The following BORCS5 variants were observed in gnomAD, a reference collection of about 807,000 sequenced individuals.
BORCS5 encodes the protein BLOC-1 related complex subunit 5.
In BORCS5, 17 loss-of-function variants were observed where a neutral mutation model predicts 22.1. That is an observed-to-expected ratio of 0.77 (90% CI 0.53 to 1.15). BORCS5 has a LOEUF of 1.15. Among genes scored for constraint, BORCS5 ranks in the 50% most tolerant of loss-of-function variants. The probability of loss-of-function intolerance (pLI) is 0.00; values close to 1 mark genes in which losing one functional copy is unlikely to be tolerated. For missense variants in BORCS5, 247 were observed against 253.2 expected, an observed-to-expected ratio of 0.98 and a Z score of 0.17; for synonymous variants, 117 against 99.8, an observed-to-expected ratio of 1.17 and a Z score of -1.03.
intron 2 of BORCS5, among the ~76,000 whole-genome samples, chr12:12,371,121 A>G (rs1863518986): frequency 6.6e-6 from 1 of 152,122 alleles, no homozygotes; most frequent in Non-Finnish European, 1.5e-5. Flanking sequence ...ATAATGTTCC[A>G]GACTTATTTT....
intron 2 of BORCS5, among the ~76,000 whole-genome samples, chr12:12,366,085 A>G (rs1307437176): frequency 2.0e-5 from 3 of 152,140 alleles, no homozygotes; most frequent in Admixed American, 6.6e-5. Context: ...TGTCGCCTTT[A>G]TACTCTGACT....
intron 2 of BORCS5, among the ~76,000 whole-genome samples, chr12:12,383,019 TTTA>T (rs980509981): frequency 5.9e-5 from 9 of 151,612 alleles, no homozygotes; most frequent in African/African-American, 2.2e-4. Flanking sequence ...GATTTGCCTT[TTTA>T]TTATTTCTTT....
chr12:12,438,790 C>T (rs773058871), intron 3 of BORCS5, among the ~76,000 whole-genome samples: 57 of 152,138 alleles, frequency 3.7e-4, no homozygotes, highest in Non-Finnish European at 4.7e-4. Flanking sequence ...AGTAAATCCC[C>T]AGACATTATT....
At chr12:12,364,642 G>T (rs1863366210) in intron 2 of BORCS5, among the ~76,000 whole-genome samples, 1 of 152,156 alleles carries the variant, frequency 6.6e-6, no homozygotes, top group Non-Finnish European at 1.5e-5. Flanking sequence ...TAGAAGACTT[G>T]GTGTTAAGGG....
intron 3 of BORCS5, among the ~76,000 whole-genome samples, chr12:12,439,576 C>T (rs1942638884): frequency 6.6e-6 from 1 of 152,184 alleles, no homozygotes. Context: ...TGCGGTGAGC[C>T]GAGATCTCCA....
At chr12:12,379,099 CTTTCTTCTTTCTTT>C (rs934122003) in intron 2 of BORCS5, among the ~76,000 whole-genome samples, 1 of 150,154 alleles carries the variant, frequency 6.7e-6, no homozygotes, top group African/African-American at 2.5e-5. Flanking sequence ...TTTCTTTCTT[CTTTCTTCTTTCTTT>C]TCTCTTTTTT....
chr12:12,373,156 T>G (rs112108553), intron 2 of BORCS5, among the ~76,000 whole-genome samples: 2,055 of 152,292 alleles, frequency 0.013, 48 homozygotes, highest in African/African-American at 0.047. Context: ...AGGTTCCTTC[T>G]TCCTTCTGTT....
chr12:12,377,484 T>C (rs986692211), intron 2 of BORCS5, among the ~76,000 whole-genome samples: 1 of 151,396 alleles, frequency 6.6e-6, no homozygotes, highest in Non-Finnish European at 1.5e-5. Context: ...CAGCCAAGAG[T>C]TGGGATTTTG....
chr12:12,462,604 C>T (rs115974493), intron 3 of BORCS5, among the ~76,000 whole-genome samples: 1,718 of 152,156 alleles, frequency 0.011, 32 homozygotes, highest in African/African-American at 0.038. Flanking sequence ...TCGTGGTTGC[C>T]CTTTAGCTCC....
At chr12:12,405,550 T>C (rs1451728636) in intron 2 of BORCS5, among the ~76,000 whole-genome samples, 1 of 152,260 alleles carries the variant, frequency 6.6e-6, no homozygotes, top group African/African-American at 2.4e-5. Flanking sequence ...ACCTGCCTTT[T>C]AATGTCATCC....
intron 2 of BORCS5, among the ~76,000 whole-genome samples, chr12:12,382,205 C>T (rs1369879654): frequency 6.6e-6 from 1 of 151,322 alleles, no homozygotes; most frequent in East Asian, 1.9e-4. Context: ...GCATCTGCTT[C>T]TGGTAAGGAC....
At chr12:12,431,522 C>T (rs1235949008) in intron 2 of BORCS5, among the ~76,000 whole-genome samples, 1 of 151,610 alleles carries the variant, frequency 6.6e-6, no homozygotes, top group African/African-American at 2.4e-5. Flanking sequence ...CTGCCTCAGC[C>T]TCCTGAGTAG....
intron 2 of BORCS5, among the ~76,000 whole-genome samples, chr12:12,390,540 T>C (rs1359296603): frequency 6.6e-6 from 1 of 151,738 alleles, no homozygotes; most frequent in Non-Finnish European, 1.5e-5. Context: ...TAATTACAGC[T>C]ACTTGGGAGG....
intron 2 of BORCS5, among the ~76,000 whole-genome samples, chr12:12,400,604 A>AG (rs397690319): frequency 6.6e-6 from 1 of 151,524 alleles, no homozygotes; most frequent in Non-Finnish European, 1.5e-5. Flanking sequence ...AAAAAAAAAA[A>AG]TAGCAAACAC....
At chr12:12,432,869 T>C (rs1222612760) in intron 2 of BORCS5, among the ~76,000 whole-genome samples, 2 of 152,140 alleles carry the variant, frequency 1.3e-5, no homozygotes, top group African/African-American at 4.8e-5. Flanking sequence ...TGCCAGTGTT[T>C]TAAAGATGGA....
intron 2 of BORCS5, among the ~76,000 whole-genome samples, chr12:12,423,474 G>T (rs1592113856): frequency 2.3e-5 from 2 of 88,206 alleles, no homozygotes; most frequent in Admixed American, 1.7e-4. Flanking sequence ...TTTCCTGACT[G>T]ATACGCTTAA....
At chr12:12,401,946 G>A (rs1408487189) in intron 2 of BORCS5, among the ~76,000 whole-genome samples, 1 of 151,466 alleles carries the variant, frequency 6.6e-6, no homozygotes. Context: ...GGCGCCTGTA[G>A]TCCCAGCTAC....
intron 3 of BORCS5, among the ~76,000 whole-genome samples, chr12:12,449,075 G>A (rs572815706): frequency 1.6e-4 from 25 of 152,294 alleles, no homozygotes; most frequent in South Asian, 4.1e-4. Flanking sequence ...ACTTCCAACC[G>A]TGCTTTGGAG....
intron 2 of BORCS5, among the ~76,000 whole-genome samples, chr12:12,408,197 A>T (rs369881554): frequency 1.3e-5 from 2 of 152,198 alleles, no homozygotes; most frequent in African/African-American, 4.8e-5. Flanking sequence ...TTATCCTTTC[A>T]TCCATTGATG....
Sources: allele counts gnomAD v4.1 joint callset (sites outside exome capture counted in the v4.1 genomes callset), GRCh38; gene constraint gnomAD v4.1.1; transcripts MANE v1.5; gene names NCBI Gene and HGNC (gene_info 2026-07-23, HGNC 2026-07-21).